The following TLE2 variants were observed in gnomAD, a reference collection of about 807,000 sequenced individuals.
The protein encoded by TLE2 is TLE family member 2, transcriptional corepressor.
TLE2 carries 74 observed loss-of-function variants against 97.2 expected under a neutral mutation model. The observed-to-expected ratio is 0.76, with a 90% CI of 0.63 to 0.92. TLE2 has a LOEUF of 0.92. Among genes scored for constraint, TLE2 ranks in the 40% least tolerant of loss-of-function variants. The pLI, the probability that TLE2 is intolerant of heterozygous loss-of-function variation, is 0.00. For missense variants in TLE2, 1,038 were observed against 1,008.7 expected, an observed-to-expected ratio of 1.03 and a Z score of -0.39; for synonymous variants, 499 against 432.1, an observed-to-expected ratio of 1.15 and a Z score of -1.92.
chr19:3,006,642 G>A lies in TLE2; in HGVS notation c.1278C>T (p.Asp426=). The A allele has an allele frequency of 6.2e-7, 1 of 1,608,324 alleles. No individual in the cohort carries two copies. Among genetic ancestry groups the A allele is most frequent in the African/African-American group, 1.3e-5 (1 of 74,990 alleles). ...KPAYSFHVSA[D]GQMQPVPFPS... ...GGAAGGGAACCGGCTGCATCTGCCC[G>A]TCCGCAGACACGTGGAAGGAGTAGG... is the stretch of plus-strand genomic sequence containing the variant. Residue 426 remains aspartate (D), a synonymous_variant, in exon 15 of 20, where the codon GAC becomes GAT. Coordinates refer to ENST00000262953, the MANE Select transcript of TLE2 (RefSeq NM_003260.5).
intron 15 of TLE2, 37 bp downstream of exon 15, chr19:3,006,383 C>T (rs746090989): frequency 6.3e-7 from 1 of 1,596,994 alleles, no homozygotes; most frequent in Non-Finnish European, 8.5e-7. Context: ...CCACCCCTCA[C>T]CTGTGAGTCC....
At chr19:3,018,114 C>T (rs1407887352) in intron 7 of TLE2, among the ~76,000 whole-genome samples, 1 of 152,008 alleles carries the variant, frequency 6.6e-6, no homozygotes, top group African/African-American at 2.4e-5. Context: ...ACCCCAGGGC[C>T]TTGCAGCCGC....
intron 4 of TLE2, chr19:3,025,563 G>T: frequency 1.0e-6 from 1 of 987,420 alleles, no homozygotes; most frequent in Non-Finnish European, 1.2e-6. Context: ...ACCAGCTGGG[G>T]ATGCCTCCAG....
intron 17 of TLE2, among the ~76,000 whole-genome samples, chr19:3,002,735 G>T (rs1444805320): frequency 4.0e-5 from 6 of 151,478 alleles, no homozygotes; most frequent in African/African-American, 9.7e-5. Context: ...GTCTCACTGT[G>T]TCACCCAGGC....
chr19:3,041,013 A>ATAT (rs1555695656), intron 1 of TLE2, among the ~76,000 whole-genome samples: 42 of 28,980 alleles, frequency 1.4e-3, no homozygotes, highest in African/African-American at 2.9e-3. Flanking sequence ...ATATATATAT[A>ATAT]TTTTTTTTTT....
rs1191622504 is a variant in TLE2, at chr19:3,013,770, C to A, written c.772G>T (p.Val258Leu). 3.8e-6 allele frequency: 6 copies of A among 1,561,656 alleles called. No homozygotes were observed. The highest frequency in any genetic ancestry group is 4.3e-6 in the Non-Finnish European group (5 of 1,156,464). ...PSPATTPCGK[V>L]PICIPARRDL... ...CGACGGGCAGGAATGCAGATGGGTA[C>A]CTTTCCGCAGGGGGTGGTAGCCGGG... The change falls in exon 11 of 20, where the codon GTA becomes TTA. Residue 258 changes from valine (V) to leucine (L), a missense_variant. Transcript: ENST00000262953.
chr19:3,018,404 T>C (rs2089761005), intron 7 of TLE2, among the ~76,000 whole-genome samples: 1 of 151,662 alleles, frequency 6.6e-6, no homozygotes, highest in African/African-American at 2.4e-5. Flanking sequence ...GCAATTCTCT[T>C]GCCTCAGCCT....
intron 4 of TLE2, among the ~76,000 whole-genome samples, chr19:3,026,548 T>A (rs1361234078): frequency 6.6e-6 from 1 of 151,042 alleles, no homozygotes; most frequent in Non-Finnish European, 1.5e-5. Context: ...TTAACACATC[T>A]CAGCACATAG....
intron 19 of TLE2, among the ~76,000 whole-genome samples, chr19:2,998,264 T>TGTGC (rs1397471310): frequency 7.6e-6 from 1 of 132,432 alleles, no homozygotes; most frequent in Non-Finnish European, 1.6e-5. Flanking sequence ...TGTGTGTGTG[T>TGTGC]GTGTGTGTGT....
chr19:3,019,817 G>C lies in TLE2; in HGVS notation c.295-44C>G. On this transcript the variant is annotated intron_variant, in intron 5 of 19. Coordinates refer to ENST00000262953, the MANE Select transcript of TLE2 (RefSeq NM_003260.5). The surrounding 1 kb of genome is among the most constrained non-coding windows in gnomAD (Gnocchi z 5.1). ...CAGGTAGAGGGTACATTGAGCCCCT[G>C]CTCATGCTAGCGGTGCCCTTGGGGA... 1.3e-6 allele frequency: 2 copies of C among 1,586,122 alleles called. 1 individual carries two copies. Among genetic ancestry groups the C allele is most frequent in the South Asian group, 2.3e-5 (2 of 87,426 alleles).
chr19:3,028,401 G>T lies in TLE2; in HGVS notation c.123-19C>A, dbSNP rs1347274901. On this transcript the variant is annotated intron_variant, in intron 2 of 19. Transcript: ENST00000262953. ...CTTGAGGCTGAGAAGAAGAGAGAGG[G>T]CAAGGGGCTCCCACCCGCCCCATGT... The T allele has an allele frequency of 3.1e-6, 5 of 1,589,544 alleles. No individual in the cohort carries two copies. In the Admixed American group the frequency reaches 7.1e-5, roughly 23 times the overall value.
intron 18 of TLE2, 43 bp downstream of exon 18, chr19:3,002,310 G>A: frequency 6.4e-7 from 1 of 1,563,118 alleles, no homozygotes; most frequent in African/African-American, 1.4e-5. Flanking sequence ...CCTGGGTTTT[G>A]TTGGGGTTTT....
intron 1 of TLE2, among the ~76,000 whole-genome samples, chr19:3,039,091 C>T (rs1467418926): frequency 6.7e-6 from 1 of 149,712 alleles, no homozygotes; most frequent in Non-Finnish European, 1.5e-5. Flanking sequence ...GGTGTGGTGG[C>T]GGGCACCTGT....
intron 1 of TLE2, among the ~76,000 whole-genome samples, chr19:3,044,685 G>A (rs1273426556): frequency 6.6e-6 from 1 of 152,158 alleles, no homozygotes; most frequent in African/African-American, 2.4e-5. Flanking sequence ...CTCCCGAAGC[G>A]CTGGGATTAC....
intron 1 of TLE2, among the ~76,000 whole-genome samples, chr19:3,040,336 T>C (rs1160475561): frequency 6.6e-6 from 1 of 152,164 alleles, no homozygotes; most frequent in Non-Finnish European, 1.5e-5. Context: ...GAATCTTCTT[T>C]TTAACGTTTG....
At chr19:3,021,122 G>GT (rs200093020) in intron 5 of TLE2, among the ~76,000 whole-genome samples, 4,773 of 127,664 alleles carry the variant, frequency 0.037, 544 homozygotes, top group African/African-American at 0.055. Flanking sequence ...AAAGGGGGGG[G>GT]GGTGCTGAGC....
intron 14 of TLE2, among the ~76,000 whole-genome samples, chr19:3,008,312 G>A (rs1376628288): frequency 6.6e-6 from 1 of 152,120 alleles, no homozygotes; most frequent in Non-Finnish European, 1.5e-5. Context: ...CACACTCCAG[G>A]CCAGGAACGT....
intron 17 of TLE2, among the ~76,000 whole-genome samples, chr19:3,003,724 A>C (rs1599197061): frequency 1.4e-5 from 2 of 147,852 alleles, no homozygotes; most frequent in Non-Finnish European, 3.0e-5. Flanking sequence ...TTTTTGAGAC[A>C]GACAGGGTCT....
At position 3,005,525 on chromosome 19, in the gene TLE2, C is replaced by T. The variant is rs1170092043; in HGVS notation, c.1808G>A (p.Arg603Gln). 4 of 1,613,558 alleles carry T rather than the reference C, an allele frequency of 2.5e-6. No homozygotes were observed. Among genetic ancestry groups the T allele is most frequent in the Non-Finnish European group, 3.4e-6 (4 of 1,179,822 alleles). Residue 603 changes from arginine (R) to glutamine (Q), a missense_variant, in exon 17 of 20, where the codon CGG becomes CAG. Coordinates refer to ENST00000262953, the MANE Select transcript of TLE2 (RefSeq NM_003260.5). ...SCIDISDYGT[R>Q]LWTGGLDNTV... is the part of the protein sequence containing the mutation. ...GTTGTCCAGGCCCCCTGTCCAGAGC[C>T]GAGTGCCGTAATCGGAAATATCAAT...
Sources: allele counts gnomAD v4.1 joint callset (sites outside exome capture counted in the v4.1 genomes callset), GRCh38; gene constraint gnomAD v4.1.1; non-coding constraint Gnocchi (gnomAD v3.1); transcripts MANE v1.5; gene names NCBI Gene and HGNC (gene_info 2026-07-23, HGNC 2026-07-21).